Variants in NRCAM observed in about 807,000 individuals in gnomAD.
NRCAM encodes neuronal cell adhesion molecule.
NRCAM carries 83 observed loss-of-function variants against 156.5 expected under a neutral mutation model. The observed-to-expected ratio is 0.53, with a 90% confidence interval of 0.44 to 0.64. The LOEUF is 0.64. Among genes scored for constraint, NRCAM ranks in the 30% least tolerant of loss-of-function variants. The pLI, the probability that NRCAM is intolerant of heterozygous loss-of-function variation, is 0.00. For missense variants in NRCAM, 1,417 were observed against 1,597.3 expected (o/e 0.89, Z 1.92); for synonymous variants, 538 against 563.9 (o/e 0.95, Z 0.65).
intron 23 of NRCAM, 66 bp from the exon 24 acceptor site, chr7:108,182,003 C>T: frequency 8.1e-7 from 1 of 1,232,898 alleles, no homozygotes; most frequent in East Asian, 2.4e-5. Flanking sequence ...ATAAATATGA[C>T]TCTCTCTAAT....
chr7:108,297,471 C>A (rs942903606), intron 3 of NRCAM, among the ~76,000 whole-genome samples: 1 of 152,170 alleles, frequency 6.6e-6, no homozygotes, highest in African/African-American at 2.4e-5. Context: ...ACAACATTAT[C>A]TGACAAAGGG....
At chr7:108,354,122 TA>T (rs1563400556) in intron 2 of NRCAM, among the ~76,000 whole-genome samples, 2 of 152,224 alleles carry the variant, frequency 1.3e-5, no homozygotes, top group African/African-American at 4.8e-5. Flanking sequence ...AATTCCACTA[TA>T]TATGAATTAT....
rs1324145383 is a variant in NRCAM at position 108,148,125 on chromosome 7, A to G, written c.*1785T>C. The G allele has an allele frequency of 6.6e-6, 1 of 152,664 alleles. No homozygotes were observed. Among genetic ancestry groups the G allele is most frequent in the Non-Finnish European group, 1.5e-5 (1 of 68,050 alleles). 9.5% of individuals were successfully genotyped at this position (152,664 alleles called of 1,614,324 possible). On this transcript the variant is annotated 3_prime_UTR_variant, in exon 33 of 33. Coordinates refer to ENST00000379028, the MANE Select transcript of NRCAM (RefSeq NM_001037132.4). The stretch of plus-strand genomic sequence containing the variant: ...CAGGTTACTAGGCCTACTGTGCCCC[A>G]TAGGCAAAGCTCTGAAGATTTCATC...
At chr7:108,249,330 C>T (rs971520658) in intron 3 of NRCAM, among the ~76,000 whole-genome samples, 4 of 152,206 alleles carry the variant, frequency 2.6e-5, no homozygotes, top group Non-Finnish European at 5.9e-5. Flanking sequence ...ACAAACCAAA[C>T]AGCTGAAAAT....
chr7:108,162,478 T>C (rs2049779990), intron 30 of NRCAM, among the ~76,000 whole-genome samples: 1 of 152,232 alleles, frequency 6.6e-6, no homozygotes, highest in Non-Finnish European at 1.5e-5. Flanking sequence ...AGCCTTGTCA[T>C]AAATACATTC....
chr7:108,184,701 C>G (rs2065632931), intron 20 of NRCAM, 87 bp from the exon 21 acceptor site: 1 of 975,372 alleles, frequency 1.0e-6, no homozygotes, highest in Non-Finnish European at 1.5e-6. Context: ...CAGGGCAACC[C>G]AACACAAGCA....
chr7:108,236,175 T>TCA (rs1562884020), intron 5 of NRCAM, among the ~76,000 whole-genome samples: 1 of 152,194 alleles, frequency 6.6e-6, no homozygotes, highest in East Asian at 1.9e-4. Context: ...GCTAAATGTA[T>TCA]CACCTCCACA....
At chr7:108,281,731 G>A (rs756864500) in intron 3 of NRCAM, among the ~76,000 whole-genome samples, 4 of 152,228 alleles carry the variant, frequency 2.6e-5, no homozygotes, top group Non-Finnish European at 5.9e-5. Flanking sequence ...TGGCTGCCAA[G>A]CTTGGGGCTT....
chr7:108,346,409 A>G (rs1264040696), intron 2 of NRCAM, among the ~76,000 whole-genome samples: 2 of 152,198 alleles, frequency 1.3e-5, no homozygotes, highest in African/African-American at 4.8e-5. Flanking sequence ...ATTATCCAGT[A>G]TTAGCCATCT....
chr7:108,382,433 T>A (rs2099705835), intron 2 of NRCAM, among the ~76,000 whole-genome samples: 1 of 151,846 alleles, frequency 6.6e-6, no homozygotes, highest in South Asian at 2.1e-4. Context: ...CCATCTCTAT[T>A]TTTTTAATTA....
In NRCAM at chr7:108,339,089, G is replaced by A. The variant is rs972605750; in HGVS notation, c.-173-26358C>T. On this transcript the variant is annotated intron_variant, in intron 2 of 32. Coordinates refer to ENST00000379028, the MANE Select transcript of NRCAM (RefSeq NM_001037132.4). ...AAATCTTAAAGTATGGGGTTATTTT[G>A]TTAGAAAAAGGTAATTTAACACTAA... is the stretch of plus-strand genomic sequence containing the variant. 4.6e-5 allele frequency among the ~76,000 whole-genome samples: 7 copies of A among 152,322 alleles called. No homozygotes were observed. In the East Asian group the frequency reaches 1.3e-3, roughly 29 times the overall value.
At chr7:108,450,196 A>G (rs1848691226) in intron 1 of NRCAM, among the ~76,000 whole-genome samples, 1 of 150,408 alleles carries the variant, frequency 6.6e-6, no homozygotes, top group Admixed American at 6.6e-5. Context: ...TGAATATGCC[A>G]TTAGGACAGT....
In NRCAM at chr7:108,200,425, T is replaced by C. The variant is rs1191139586; in HGVS notation, c.1208-2326A>G. Among the ~76,000 whole-genome samples, 4 of 152,172 alleles carry C rather than the reference T, an allele frequency of 2.6e-5. No individual in the cohort carries two copies. The East Asian group carries it at 5.8e-4, about 22-fold the overall frequency. On this transcript the variant is annotated intron_variant, in intron 13 of 32. Transcript: ENST00000379028. Reference sequence around the variant, plus strand: ...GCAGCCATGGACCCTGAAAACACAGTGTACCTTAGGGCAGCCATGGACCCT... The same window carrying C: ...GCAGCCATGGACCCTGAAAACACAGCGTACCTTAGGGCAGCCATGGACCCT...
chr7:108,195,861 G>A lies in NRCAM; in HGVS notation c.1363C>T (p.Arg455Ter), dbSNP rs752800979. 1.9e-6 allele frequency: 3 copies of A among 1,606,630 alleles called. No homozygotes were observed. The highest frequency in any genetic ancestry group is 2.7e-5 in the African/African-American group (2 of 74,738). Reference sequence around the variant, plus strand: ...AGTGTGTTTGCAGGTGTGAGGATTCGTGGTGGCTCAGCTACAAATATTTTT... The same window carrying A: ...AGTGTGTTTGCAGGTGTGAGGATTCATGGTGGCTCAGCTACAAATATTTTT... The part of the protein sequence containing the change: ...AFVNVLAEPP[R>*]ILTPANTLYQ... Residue 455 changes from arginine (R) to a stop codon, truncating the protein, a stop_gained, in exon 15 of 33, where the codon CGA (arginine) becomes TGA (stop). Coordinates refer to ENST00000379028, the MANE Select transcript of NRCAM (RefSeq NM_001037132.4). LOFTEE classifies it high-confidence loss of function.
intron 28 of NRCAM, among the ~76,000 whole-genome samples, 177 bp from the exon 29 acceptor site, chr7:108,168,579 T>G (rs2056423252): frequency 6.6e-6 from 1 of 152,238 alleles, no homozygotes; most frequent in African/African-American, 2.4e-5. Flanking sequence ...GTTTCTTAAA[T>G]TCAGCACTAG....
At chr7:108,163,748 C>T (rs994164920) in intron 30 of NRCAM, among the ~76,000 whole-genome samples, 58 of 149,408 alleles carry the variant, frequency 3.9e-4, no homozygotes, top group Non-Finnish European at 7.4e-4. Flanking sequence ...CAGGGAGTGG[C>T]GCTAATGAGC....
At chr7:108,450,236 A>C (rs931921108) in intron 1 of NRCAM, among the ~76,000 whole-genome samples, 2 of 148,592 alleles carry the variant, frequency 1.3e-5, no homozygotes, top group Non-Finnish European at 3.0e-5. Flanking sequence ...AGTGGTTATA[A>C]TTTGTTCCCT....
Position 108,234,736 on chromosome 7 carries a change from C to T in NRCAM, c.125-48G>A, listed in dbSNP as rs896201965. ...TGTAAAAAAACAAATTATTTAAAAT[C>T]ATAATAGTAGCCATTTTTTCCTGTA... On this transcript the variant is annotated intron_variant, in intron 5 of 32. Transcript: ENST00000379028. 7 of 1,283,370 alleles carry T rather than the reference C, an allele frequency of 5.5e-6. No individual in the cohort carries two copies. The African/African-American group carries it at 5.9e-5, about 11-fold the overall frequency. 79.5% of individuals were successfully genotyped at this position (1,283,370 alleles called of 1,614,324 possible). A position where few individuals can be genotyped will look rare whatever the true frequency, so the allele number is the denominator to read the frequency against.
At chr7:108,182,549 T>C (rs2064112124) in intron 23 of NRCAM, 146 bp downstream of exon 23, 1 of 673,662 alleles carries the variant, frequency 1.5e-6, no homozygotes, top group Non-Finnish European at 2.6e-6. Flanking sequence ...TTCTCTTTCT[T>C]ACACAGCAGG....
Sources: allele counts gnomAD v4.1 joint callset (sites outside exome capture counted in the v4.1 genomes callset), GRCh38; gene constraint gnomAD v4.1.1; transcripts MANE v1.5; gene names NCBI Gene and HGNC (gene_info 2026-07-23, HGNC 2026-07-21).